Variants in CDH4 observed in about 807,000 individuals in gnomAD.
CDH4 encodes cadherin-4.
A neutral mutation model predicts 86.0 loss-of-function variants in CDH4; 33 were observed. The observed-to-expected ratio is 0.38, with a 90% CI of 0.29 to 0.51. The LOEUF (loss-of-function observed/expected upper bound fraction) is 0.51. Among genes scored for constraint, CDH4 ranks in the 20% least tolerant of loss-of-function variants. CDH4 has a pLI of 0.86. For synonymous variants in CDH4, 555 were observed against 549.4 expected (o/e 1.01, Z -0.14); for missense variants, 1,114 against 1,307.4 (o/e 0.85, Z 2.28).
chr20:61,616,177 T>C (rs779634923), intron 2 of CDH4, among the ~76,000 whole-genome samples: 105 of 152,326 alleles, frequency 6.9e-4, no homozygotes, highest in Non-Finnish European at 1.2e-3. Flanking sequence ...TCCCTGACAC[T>C]GCACCAGCAC....
chr20:61,489,013 C>A (rs570173566), intron 2 of CDH4, among the ~76,000 whole-genome samples: 1 of 152,154 alleles, frequency 6.6e-6, no homozygotes, highest in Non-Finnish European at 1.5e-5. Flanking sequence ...CACTTCAATG[C>A]GTTACTGTGC....
chr20:61,845,301 G>A (rs1982389549), intron 5 of CDH4, among the ~76,000 whole-genome samples: 1 of 152,188 alleles, frequency 6.6e-6, no homozygotes, highest in South Asian at 2.1e-4. Flanking sequence ...CATTTCCTCC[G>A]ACGTCTCTCG....
intron 2 of CDH4, among the ~76,000 whole-genome samples, chr20:61,693,385 C>A (rs962369064): frequency 6.6e-6 from 1 of 152,150 alleles, no homozygotes; most frequent in Admixed American, 6.6e-5. Flanking sequence ...GTAAGGGGAG[C>A]GGCTTTAGCT....
intron 4 of CDH4, among the ~76,000 whole-genome samples, chr20:61,823,411 A>G (rs2146070426): frequency 6.7e-6 from 1 of 149,062 alleles, no homozygotes; most frequent in Admixed American, 6.7e-5. Flanking sequence ...GATGATGATG[A>G]AGGTGATAGT....
chr20:61,765,240 G>A (rs1428264076), intron 3 of CDH4, among the ~76,000 whole-genome samples: 1 of 146,326 alleles, frequency 6.8e-6, no homozygotes, highest in Non-Finnish European at 1.5e-5. Context: ...TCCCGAGGAT[G>A]GACCTCCCAC....
At chr20:61,523,023 G>GC (rs911900512) in intron 2 of CDH4, among the ~76,000 whole-genome samples, 2 of 152,222 alleles carry the variant, frequency 1.3e-5, no homozygotes, top group African/African-American at 2.4e-5. Flanking sequence ...GCCTCCAGGA[G>GC]CAGAGGAAGG....
rs766831223 is a variant in CDH4 at position 61,932,995 on chromosome 20, G to C, written c.2250G>C (p.Leu750=). ...ICILILLTMV[L]LFVMWMKRRE... ...AGCCCTCCCCCACAGCCATGGTCCT[G>C]CTGTTTGTCATGTGGATGAAGCGGC... The change falls in exon 14 of 16, where the codon CTG becomes CTC. Residue 750 remains leucine, a synonymous_variant. Transcript: ENST00000614565. 6.2e-7 allele frequency: 1 copy of C among 1,613,232 alleles called. No individual in the cohort carries two copies.
chr20:61,346,899 C>A (rs2084682274), intron 2 of CDH4, among the ~76,000 whole-genome samples: 1 of 151,982 alleles, frequency 6.6e-6, no homozygotes, highest in Non-Finnish European at 1.5e-5. Flanking sequence ...GTACGGGTGC[C>A]CCCCATCTGT....
chr20:61,759,188 TA>T (rs2088602929), intron 3 of CDH4, among the ~76,000 whole-genome samples: 1 of 152,162 alleles, frequency 6.6e-6, no homozygotes, highest in African/African-American at 2.4e-5. Context: ...GTGATGAAAG[TA>T]AAACTGAAGG....
chr20:61,865,741 G>C (rs1480954547), intron 6 of CDH4, among the ~76,000 whole-genome samples: 1 of 151,234 alleles, frequency 6.6e-6, no homozygotes, highest in Non-Finnish European at 1.5e-5. Context: ...TAGTGTAGAT[G>C]ATAGCTGGCT....
chr20:61,523,073 G>A (rs1047814776), intron 2 of CDH4, among the ~76,000 whole-genome samples: 1 of 152,232 alleles, frequency 6.6e-6, no homozygotes, highest in Non-Finnish European at 1.5e-5. Context: ...CCCACACCAG[G>A]TGACAGGCGG....
intron 9 of CDH4, 104 bp from the exon 10 acceptor site, chr20:61,923,347 C>T (rs2055004800): frequency 1.8e-6 from 2 of 1,122,102 alleles, no homozygotes; most frequent in African/African-American, 3.0e-5. Flanking sequence ...AAGAGCTGGA[C>T]ATGGCTCAGG....
intron 4 of CDH4, among the ~76,000 whole-genome samples, chr20:61,824,745 G>T (rs943198398): frequency 6.6e-6 from 1 of 152,170 alleles, no homozygotes; most frequent in Non-Finnish European, 1.5e-5. Flanking sequence ...TCCTGTGAAG[G>T]CCTTTTCATC....
chr20:61,786,813 G>A (rs945014838), intron 4 of CDH4, among the ~76,000 whole-genome samples: 2 of 152,228 alleles, frequency 1.3e-5, no homozygotes, highest in East Asian at 1.9e-4. Flanking sequence ...GTTTGGCAAT[G>A]GCCAGGGAGC....
At chr20:61,335,741 C>T (rs777354683) in intron 2 of CDH4, among the ~76,000 whole-genome samples, 1 of 152,094 alleles carries the variant, frequency 6.6e-6, no homozygotes, top group Non-Finnish European at 1.5e-5. Flanking sequence ...GCTCGGGTGC[C>T]GAAGGCTCAG....
intron 2 of CDH4, among the ~76,000 whole-genome samples, chr20:61,421,123 T>G (rs900724536): frequency 1.3e-5 from 2 of 152,188 alleles, no homozygotes; most frequent in African/African-American, 4.8e-5. Context: ...ATGGGAGCCC[T>G]TACAGCCCTT....
chr20:61,534,744 T>C (rs1308309760), intron 2 of CDH4, among the ~76,000 whole-genome samples: 1 of 144,616 alleles, frequency 6.9e-6, no homozygotes, highest in Non-Finnish European at 1.5e-5. Flanking sequence ...CCTCCCTTGC[T>C]GGGACGCTCC....
chr20:61,566,621 G>A (rs948359521), intron 2 of CDH4, among the ~76,000 whole-genome samples: 6 of 152,086 alleles, frequency 3.9e-5, no homozygotes, highest in Non-Finnish European at 7.4e-5. Flanking sequence ...AGGTGGCCCC[G>A]AGGACCCGTC....
intron 2 of CDH4, among the ~76,000 whole-genome samples, chr20:61,591,793 C>T (rs964174672): frequency 2.6e-5 from 4 of 152,106 alleles, no homozygotes; most frequent in African/African-American, 7.2e-5. Context: ...TTCTGAATTA[C>T]GCAGGTCTTC....
Sources: allele counts gnomAD v4.1 joint callset (sites outside exome capture counted in the v4.1 genomes callset), GRCh38; gene constraint gnomAD v4.1.1; transcripts MANE v1.5; gene names NCBI Gene and HGNC (gene_info 2026-07-23, HGNC 2026-07-21).